The following FGF13 variants were observed in gnomAD, a reference collection of about 807,000 sequenced individuals.
FGF13 encodes the protein fibroblast growth factor 13.
In FGF13, 2 loss-of-function variants were observed where a neutral mutation model predicts 19.5. The ratio of observed to expected loss-of-function variants is 0.10; its 90% CI spans 0.04 to 0.32. FGF13 has a LOEUF of 0.32. Ranked by LOEUF, FGF13 falls within the 10% of genes least tolerant of loss-of-function variation. The pLI, the probability that FGF13 is intolerant of heterozygous loss-of-function variation, is 1.00. For synonymous variants in FGF13, 72 were observed against 76.9 expected (o/e 0.94, Z 0.33); for missense variants, 113 against 192.7 (o/e 0.59, Z 2.45).
intron 1 of FGF13, among the ~76,000 whole-genome samples, chrX:138,933,205 C>T (rs753127210): frequency 9.0e-6 from 1 of 111,663 alleles, no homozygotes; most frequent in Non-Finnish European, 1.9e-5. Context: ...GGGCATTGAC[C>T]ATGTCATAGT....
chrX:138,902,149 T>C lies in FGF13; in HGVS notation c.-112-37499A>G, dbSNP rs189312566. Among the ~76,000 whole-genome samples, 6 of 112,278 alleles carry C rather than the reference T, an allele frequency of 5.3e-5. 1 individual carries two copies. The East Asian group carries it at 1.1e-3, about 21-fold the overall frequency. Reference sequence around the variant, plus strand: ...ACAGAAAGGGAAAGTTTGATTATGGTTCTGAGTGTTTGACTGGTAATGCAG... The same window carrying C: ...ACAGAAAGGGAAAGTTTGATTATGGCTCTGAGTGTTTGACTGGTAATGCAG... On this transcript the variant is annotated intron_variant, in intron 1 of 2. Coordinates refer to the FGF13 transcript ENST00000421460.
chrX:138,723,655 GA>G (rs1378520629), intron 1 of FGF13, among the ~76,000 whole-genome samples: 1 of 110,851 alleles, frequency 9.0e-6, no homozygotes, highest in African/African-American at 3.3e-5. Flanking sequence ...GTCTCGAGGG[GA>G]AAAAAAGGTC....
intron 1 of FGF13, among the ~76,000 whole-genome samples, chrX:138,991,657 G>C (rs2092015883): frequency 8.9e-6 from 1 of 112,100 alleles, no homozygotes; most frequent in East Asian, 2.8e-4. Flanking sequence ...CTGGCATTTT[G>C]ACACTCCCTG....
intron 1 of FGF13, among the ~76,000 whole-genome samples, chrX:139,119,981 G>T (rs1048088288): frequency 2.7e-5 from 3 of 112,028 alleles, no homozygotes; most frequent in African/African-American, 9.7e-5. Context: ...GACCTGGTGG[G>T]AGATGATCGG....
At chrX:139,023,037 C>T (rs1224308169) in intron 1 of FGF13, among the ~76,000 whole-genome samples, 2 of 111,360 alleles carry the variant, frequency 1.8e-5, no homozygotes, top group Admixed American at 1.9e-4. Flanking sequence ...TAGTATATGG[C>T]ATACAAGAAA....
intron 1 of FGF13, among the ~76,000 whole-genome samples, chrX:139,124,928 C>CAA (rs2083704148): frequency 9.1e-6 from 1 of 110,402 alleles, no homozygotes; most frequent in African/African-American, 3.4e-5. Context: ...ACATGGTTCC[C>CAA]CTAGGAAGAG....
intron 3 of FGF13, among the ~76,000 whole-genome samples, chrX:138,794,215 G>T (rs1353493295): frequency 8.9e-6 from 1 of 111,836 alleles, no homozygotes; most frequent in African/African-American, 3.3e-5. Flanking sequence ...AATTGTTTGG[G>T]TGAGTAATGC....
intron 3 of FGF13, among the ~76,000 whole-genome samples, chrX:138,773,283 C>T (rs1335847074): frequency 1.8e-5 from 2 of 111,532 alleles, no homozygotes; most frequent in African/African-American, 6.5e-5. Context: ...CACAGTGCTG[C>T]TCCTTCCAGT....
chrX:138,914,454 C>A (rs1394514336), intron 1 of FGF13, among the ~76,000 whole-genome samples: 1 of 110,895 alleles, frequency 9.0e-6, no homozygotes, highest in Non-Finnish European at 1.9e-5. Context: ...CTTCATGCTG[C>A]CTTCCTTCTC....
intron 1 of FGF13, among the ~76,000 whole-genome samples, chrX:139,091,532 A>T (rs1351463068): frequency 9.0e-6 from 1 of 111,513 alleles, no homozygotes; most frequent in Non-Finnish European, 1.9e-5. Context: ...CTGGCCCTCA[A>T]GGAGCTTACT....
chrX:139,060,785 CAA>C (rs1455330108), intron 1 of FGF13, among the ~76,000 whole-genome samples: 1 of 111,154 alleles, frequency 9.0e-6, no homozygotes, highest in Non-Finnish European at 1.9e-5. Context: ...TATTTACACA[CAA>C]AGACAGACAC....
intron 1 of FGF13, among the ~76,000 whole-genome samples, chrX:138,914,484 G>A (rs1451190812): frequency 9.0e-6 from 1 of 110,844 alleles, no homozygotes; most frequent in Non-Finnish European, 1.9e-5. Context: ...AGACAGCAGG[G>A]TTGGGGTATT....
intron 1 of FGF13, among the ~76,000 whole-genome samples, chrX:138,942,989 T>C (rs1283850238): frequency 8.9e-6 from 1 of 112,349 alleles, no homozygotes; most frequent in Non-Finnish European, 1.9e-5. Flanking sequence ...TCCAAGATTC[T>C]ACTTTGCTCA....
chrX:138,818,200 T>G (rs983642925), intron 3 of FGF13, among the ~76,000 whole-genome samples: 1 of 111,096 alleles, frequency 9.0e-6, no homozygotes, highest in East Asian at 2.8e-4. Flanking sequence ...TTTCTCAGAG[T>G]GTGAAGTATG....
intron 1 of FGF13, among the ~76,000 whole-genome samples, chrX:138,738,123 T>C (rs2090293019): frequency 8.9e-6 from 1 of 112,013 alleles, no homozygotes; most frequent in African/African-American, 3.2e-5. Flanking sequence ...TCCAAATAGC[T>C]GAGGATATCC....
intron 1 of FGF13, among the ~76,000 whole-genome samples, chrX:139,043,465 G>A (rs952589948): frequency 2.7e-5 from 3 of 110,499 alleles, no homozygotes; most frequent in African/African-American, 1.0e-4. Flanking sequence ...CGCCCGCCTC[G>A]GCTTCCCAAA....
chrX:138,988,398 T>G (rs985114521), intron 1 of FGF13, among the ~76,000 whole-genome samples: 1 of 112,494 alleles, frequency 8.9e-6, no homozygotes, highest in African/African-American at 3.2e-5. Flanking sequence ...AATAACTGAA[T>G]GCAATCTATG....
chrX:139,112,798 T>C (rs1207460282), intron 1 of FGF13, among the ~76,000 whole-genome samples: 1 of 112,163 alleles, frequency 8.9e-6, no homozygotes, highest in Non-Finnish European at 1.9e-5. Flanking sequence ...ACCAGATAAA[T>C]GGCAAGCATC....
chrX:139,112,266 CTGCTGTG>C (rs2083608215), intron 1 of FGF13, among the ~76,000 whole-genome samples: 4 of 111,323 alleles, frequency 3.6e-5, no homozygotes, highest in African/African-American at 9.8e-5. Context: ...CTTCACAGGG[CTGCTGTG>C]AGATGAAATA....
Sources: allele counts gnomAD v4.1 joint callset (sites outside exome capture counted in the v4.1 genomes callset), GRCh38; gene constraint gnomAD v4.1.1; transcripts MANE v1.5; gene names NCBI Gene and HGNC (gene_info 2026-07-23, HGNC 2026-07-21).